SCFD2: variants seen among roughly 807,000 people sequenced by gnomAD.
SCFD2 encodes the protein sec1 family domain containing 2.
In SCFD2, 54 loss-of-function variants were observed where a neutral mutation model predicts 58.9. That is an observed-to-expected ratio of 0.92 (90% CI 0.74 to 1.15). SCFD2 has a LOEUF of 1.15. Ranked by LOEUF, SCFD2 falls within the 50% of genes most tolerant of loss-of-function variation. The pLI is 0.00. For missense variants in SCFD2, 805 were observed against 836.6 expected, an observed-to-expected ratio of 0.96 and a Z score of 0.47; for synonymous variants, 321 against 335.9, an observed-to-expected ratio of 0.96 and a Z score of 0.49.
rs180965820 is a variant in SCFD2, at chr4:53,019,416, A to G, written c.1562-98546T>C. On this transcript the variant is annotated intron_variant, in intron 5 of 8. Coordinates refer to ENST00000401642, the MANE Select transcript of SCFD2 (RefSeq NM_152540.4). ...TGAATTGAAATAAGTTTATCAAAATATTTACAGTGACTAGATGGTGAGAAT... is the reference window on the plus strand; with the variant it reads ...TGAATTGAAATAAGTTTATCAAAATGTTTACAGTGACTAGATGGTGAGAAT... Among the ~76,000 whole-genome samples, 376 of 152,318 alleles carry G rather than the reference A, an allele frequency of 2.5e-3. 3 individuals are homozygous for G. Among genetic ancestry groups the G allele is most frequent in the African/African-American group, 8.6e-3 (359 of 41,576 alleles).
chr4:52,978,163 G>C (rs1314962977), intron 5 of SCFD2, among the ~76,000 whole-genome samples: 2 of 152,170 alleles, frequency 1.3e-5, no homozygotes, highest in African/African-American at 4.8e-5. Context: ...AGGGCAGCAG[G>C]GTAAGCAAAC....
chr4:53,228,328 T>C (rs554648210), intron 4 of SCFD2, among the ~76,000 whole-genome samples: 28 of 152,256 alleles, frequency 1.8e-4, no homozygotes, highest in African/African-American at 4.6e-4. Context: ...TCTGGCAAGA[T>C]TGATACATTT....
At chr4:52,887,481 T>A (rs927970803) in intron 7 of SCFD2, among the ~76,000 whole-genome samples, 3 of 152,154 alleles carry the variant, frequency 2.0e-5, no homozygotes, top group African/African-American at 7.2e-5. Context: ...CTGAAGACAG[T>A]ATGTTTTGAG....
rs182668686 is a variant in SCFD2 at position 52,967,776 on chromosome 4, T to C, written c.1562-46906A>G. Among the ~76,000 whole-genome samples the C allele has an allele frequency of 6.5e-3, 986 of 152,310 alleles. 15 individuals carry two copies. Among genetic ancestry groups the C allele is most frequent in the Non-Finnish European group, 6.5e-3 (442 of 68,034 alleles). On this transcript the variant is annotated intron_variant, in intron 5 of 8. Transcript: ENST00000401642. ...GTACCAGTGTTTTCTGAGCCATGCCTGAGCTTGTGAGACCCTTTGTCTACC... is the reference window on the plus strand; with the variant it reads ...GTACCAGTGTTTTCTGAGCCATGCCCGAGCTTGTGAGACCCTTTGTCTACC...
intron 3 of SCFD2, among the ~76,000 whole-genome samples, chr4:53,284,319 A>G (rs1731599359): frequency 6.6e-6 from 1 of 152,030 alleles, no homozygotes; most frequent in Non-Finnish European, 1.5e-5. Flanking sequence ...TTATTTATCT[A>G]CTTACTTTCT....
chr4:53,137,700 C>T (rs1577764197), intron 5 of SCFD2, among the ~76,000 whole-genome samples: 1 of 152,136 alleles, frequency 6.6e-6, no homozygotes, highest in Non-Finnish European at 1.5e-5. Flanking sequence ...TTTAAAGATA[C>T]TATAGAAATA....
intron 4 of SCFD2, among the ~76,000 whole-genome samples, chr4:53,255,972 AC>A (rs1279801620): frequency 7.8e-6 from 1 of 128,896 alleles, no homozygotes; most frequent in African/African-American, 3.0e-5. Context: ...TGGGGGGCTG[AC>A]CCCCCCACCT....
At chr4:53,167,025 A>G (rs1727032049) in intron 4 of SCFD2, among the ~76,000 whole-genome samples, 1 of 152,184 alleles carries the variant, frequency 6.6e-6, no homozygotes, top group African/African-American at 2.4e-5. Context: ...TGATACCATT[A>G]ATCATCTCTT....
At chr4:53,141,094 A>T (rs1387113849) in intron 5 of SCFD2, among the ~76,000 whole-genome samples, 2 of 152,138 alleles carry the variant, frequency 1.3e-5, no homozygotes, top group Non-Finnish European at 2.9e-5. Flanking sequence ...TGGAAAAAAA[A>T]TTTTTTAATC....
chr4:53,198,070 G>A (rs749665519), intron 4 of SCFD2, among the ~76,000 whole-genome samples: 8 of 151,952 alleles, frequency 5.3e-5, no homozygotes, highest in Non-Finnish European at 1.2e-4. Context: ...TCCTCACCAT[G>A]TCCCAAGATA....
At position 52,999,629 on chromosome 4, in the gene SCFD2, G is replaced by A. The variant is rs182766588; in HGVS notation, c.1562-78759C>T. 1.3e-4 allele frequency among the ~76,000 whole-genome samples: 20 copies of A among 152,270 alleles called. No homozygotes were observed. In the East Asian group the frequency reaches 3.1e-3, roughly 24 times the overall value. On this transcript the variant is annotated intron_variant, in intron 5 of 8. Coordinates refer to ENST00000401642, the MANE Select transcript of SCFD2 (RefSeq NM_152540.4). Reference sequence around the variant, plus strand: ...GCAGGGACATCAAGGTAAAATGTGCGAAGGGTCATGTTTCCCCTGCCAACC... The same window carrying A: ...GCAGGGACATCAAGGTAAAATGTGCAAAGGGTCATGTTTCCCCTGCCAACC...
At chr4:52,890,134 T>C (rs1718847321) in intron 7 of SCFD2, among the ~76,000 whole-genome samples, 1 of 152,242 alleles carries the variant, frequency 6.6e-6, no homozygotes, top group African/African-American at 2.4e-5. Flanking sequence ...CAAACAATTG[T>C]TGTTTCTCAG....
At chr4:53,128,175 G>A (rs1267392312) in intron 5 of SCFD2, among the ~76,000 whole-genome samples, 1 of 151,396 alleles carries the variant, frequency 6.6e-6, no homozygotes, top group African/African-American at 2.4e-5. Flanking sequence ...AAAACGTAAA[G>A]ATAATACTAA....
At chr4:52,917,327 G>A (rs1212442413) in intron 6 of SCFD2, among the ~76,000 whole-genome samples, 1 of 152,202 alleles carries the variant, frequency 6.6e-6, no homozygotes, top group East Asian at 1.9e-4. Context: ...GAAGTTGCTT[G>A]CCCAAGGTCA....
intron 5 of SCFD2, among the ~76,000 whole-genome samples, chr4:52,951,406 CAGA>C (rs1473647267): frequency 4.6e-5 from 7 of 152,022 alleles, no homozygotes; most frequent in Non-Finnish European, 7.4e-5. Flanking sequence ...TCTAAGAGCA[CAGA>C]AGAAGGCTTG....
At chr4:52,999,000 C>T (rs1003323585) in intron 5 of SCFD2, among the ~76,000 whole-genome samples, 4 of 152,246 alleles carry the variant, frequency 2.6e-5, no homozygotes, top group South Asian at 4.1e-4. Flanking sequence ...CAAATGTATG[C>T]TTCCTACTAT....
At chr4:53,236,160 C>T (rs1413245757) in intron 4 of SCFD2, among the ~76,000 whole-genome samples, 5 of 152,138 alleles carry the variant, frequency 3.3e-5, no homozygotes, top group African/African-American at 4.8e-5. Flanking sequence ...CAGCTGCCAG[C>T]GAATATAAAG....
At chr4:53,050,406 T>C (rs1363377943) in intron 5 of SCFD2, among the ~76,000 whole-genome samples, 3 of 152,194 alleles carry the variant, frequency 2.0e-5, no homozygotes, top group Admixed American at 2.0e-4. Flanking sequence ...AGATAGGTTG[T>C]AGAGGAGGCC....
chr4:53,087,740 A>T (rs1446805546), intron 5 of SCFD2, among the ~76,000 whole-genome samples: 2 of 145,222 alleles, frequency 1.4e-5, no homozygotes, highest in East Asian at 4.0e-4. Flanking sequence ...GCTCACTGCA[A>T]CCTCTGCCTC....
Sources: gnomAD v4.1 joint callset for allele counts (sites outside exome capture counted in the v4.1 genomes callset) on GRCh38, gnomAD v4.1.1 for gene constraint, MANE v1.5 for transcripts, NCBI Gene and HGNC (gene_info 2026-07-23, HGNC 2026-07-21) for gene names.